The following SOX5 variants were observed in gnomAD, a reference collection of about 807,000 sequenced individuals.
The protein encoded by SOX5 is SRY-box transcription factor 5.
SOX5 carries 9 observed loss-of-function variants against 92.0 expected under a neutral mutation model. That is an observed-to-expected ratio of 0.10 (90% CI 0.06 to 0.17). The LOEUF (loss-of-function observed/expected upper bound fraction) is 0.17. Ranked by LOEUF, SOX5 falls within the 10% of genes least tolerant of loss-of-function variation. The probability of loss-of-function intolerance (pLI) is 1.00; values close to 1 mark genes in which losing one functional copy is unlikely to be tolerated. For missense variants in SOX5, 642 were observed against 944.5 expected (o/e 0.68, Z 4.20); for synonymous variants, 344 against 336.3 (o/e 1.02, Z -0.25).
intron 1 of SOX5, among the ~76,000 whole-genome samples, chr12:24,379,808 C>T (rs1272183168): frequency 6.9e-6 from 1 of 144,542 alleles, no homozygotes; most frequent in Non-Finnish European, 1.5e-5. Flanking sequence ...TCTTAAACTT[C>T]CTCAAATCGG....
At chr12:23,708,543 C>T (rs2091701744) in intron 6 of SOX5, among the ~76,000 whole-genome samples, 1 of 152,050 alleles carries the variant, frequency 6.6e-6, no homozygotes, top group Non-Finnish European at 1.5e-5. Context: ...CAACGATAAA[C>T]ATTAGGAGAG....
intron 4 of SOX5, among the ~76,000 whole-genome samples, chr12:24,176,814 C>T (rs1442395762): frequency 1.3e-5 from 2 of 152,164 alleles, no homozygotes; most frequent in Non-Finnish European, 2.9e-5. Flanking sequence ...TTGAATTCCC[C>T]ATCCCTCCTA....
chr12:24,050,590 T>G (rs979371832), intron 4 of SOX5, among the ~76,000 whole-genome samples: 2 of 152,192 alleles, frequency 1.3e-5, no homozygotes, highest in East Asian at 3.8e-4. Context: ...GTCATCCTTT[T>G]AAACAATTTT....
At chr12:24,425,553 G>T (rs1267518339) in intron 1 of SOX5, among the ~76,000 whole-genome samples, 3 of 152,130 alleles carry the variant, frequency 2.0e-5, no homozygotes, top group Non-Finnish European at 4.4e-5. Flanking sequence ...ATTTTGGGGG[G>T]TACTGACTGC....
At chr12:23,857,735 CTTTT>C (rs36116499) in intron 2 of SOX5, among the ~76,000 whole-genome samples, 2 of 140,668 alleles carry the variant, frequency 1.4e-5, no homozygotes, top group East Asian at 2.1e-4. Flanking sequence ...TTTTTTCTTT[CTTTT>C]TTTTTTTTTT....
At chr12:24,268,054 C>T (rs1205696946) in intron 3 of SOX5, among the ~76,000 whole-genome samples, 2 of 152,074 alleles carry the variant, frequency 1.3e-5, no homozygotes, top group African/African-American at 4.8e-5. Context: ...TACCTAGTTC[C>T]AAGATCAGGA....
At position 24,375,199 on chromosome 12, in the gene SOX5, A is replaced by T. The variant is rs902363599; in HGVS notation, c.-250-6560T>A. Among the ~76,000 whole-genome samples the T allele has an allele frequency of 5.3e-5, 8 of 150,780 alleles. No homozygotes were observed. In the South Asian group the frequency reaches 6.3e-4, roughly 12 times the overall value. On this transcript the variant is annotated intron_variant, in intron 1 of 4. Coordinates refer to the SOX5 transcript ENST00000446891. ...CGTGTTAGCCAGGATGGTCTCGATC[A>T]CCTGACCTCGTGATCCACCCGCCTC... is the stretch of plus-strand genomic sequence containing the variant.
At chr12:23,595,967 G>T (rs1952345110) in intron 9 of SOX5, among the ~76,000 whole-genome samples, 1 of 152,168 alleles carries the variant, frequency 6.6e-6, no homozygotes, top group Non-Finnish European at 1.5e-5. Context: ...AGACAATGCT[G>T]TCTCATTAAC....
At chr12:24,362,408 T>C (rs926882500) in intron 2 of SOX5, among the ~76,000 whole-genome samples, 6 of 152,204 alleles carry the variant, frequency 3.9e-5, no homozygotes, top group African/African-American at 1.4e-4. Context: ...GTTTTAAAAT[T>C]ACTGGTCTTG....
intron 2 of SOX5, among the ~76,000 whole-genome samples, chr12:24,345,824 A>G (rs1163747384): frequency 1.3e-5 from 2 of 152,184 alleles, no homozygotes; most frequent in Non-Finnish European, 2.9e-5. Context: ...CATTAATAGA[A>G]TTGTCGTGAA....
At chr12:24,164,367 C>T (rs574990623) in intron 4 of SOX5, among the ~76,000 whole-genome samples, 1 of 152,084 alleles carries the variant, frequency 6.6e-6, no homozygotes, top group African/African-American at 2.4e-5. Context: ...ATTAAGAAAG[C>T]TCCAACATAC....
intron 1 of SOX5, among the ~76,000 whole-genome samples, chr12:24,559,454 G>T (rs1044397389): frequency 6.6e-6 from 1 of 152,104 alleles, no homozygotes. Context: ...ATTTTGTCCT[G>T]TAAGTTTTAC....
chr12:23,961,774 G>GA (rs1177872633), intron 4 of SOX5, among the ~76,000 whole-genome samples: 4 of 152,086 alleles, frequency 2.6e-5, no homozygotes, highest in Non-Finnish European at 4.4e-5. Context: ...TTTACCAGAA[G>GA]AAAAAATCAG....
intron 4 of SOX5, among the ~76,000 whole-genome samples, chr12:24,126,045 C>T (rs1949074740): frequency 6.6e-6 from 1 of 152,182 alleles, no homozygotes; most frequent in Non-Finnish European, 1.5e-5. Context: ...TTTACAGGTT[C>T]TCTTCCAGTA....
intron 1 of SOX5, among the ~76,000 whole-genome samples, chr12:23,931,591 C>A (rs1941421059): frequency 6.6e-6 from 1 of 151,642 alleles, no homozygotes; most frequent in African/African-American, 2.4e-5. Context: ...TCTTAAAGAG[C>A]AGAATAGTAG....
intron 1 of SOX5, among the ~76,000 whole-genome samples, chr12:24,516,000 A>C (rs1391772082): frequency 6.6e-6 from 1 of 150,476 alleles, no homozygotes; most frequent in Non-Finnish European, 1.5e-5. Flanking sequence ...CAAAATAGAC[A>C]TGGAGTAGTT....
intron 3 of SOX5, among the ~76,000 whole-genome samples, chr12:24,249,846 A>C (rs1170146773): frequency 6.6e-6 from 1 of 152,224 alleles, no homozygotes; most frequent in Non-Finnish European, 1.5e-5. Context: ...CAATACTTTA[A>C]GATCACCTTT....
chr12:23,834,473 T>C (rs149077551), intron 3 of SOX5, among the ~76,000 whole-genome samples: 78 of 152,048 alleles, frequency 5.1e-4, no homozygotes, highest in African/African-American at 1.7e-3. Flanking sequence ...TAAGAACTTA[T>C]ACTAATTTAA....
chr12:24,397,972 C>T (rs887080793), intron 1 of SOX5, among the ~76,000 whole-genome samples: 31 of 152,200 alleles, frequency 2.0e-4, no homozygotes, highest in African/African-American at 6.7e-4. Flanking sequence ...GCCTCAACCT[C>T]CCAAGTAGCT....
Sources: gnomAD v4.1 joint callset for allele counts (sites outside exome capture counted in the v4.1 genomes callset) on GRCh38, gnomAD v4.1.1 for gene constraint, MANE v1.5 for transcripts, NCBI Gene and HGNC (gene_info 2026-07-23, HGNC 2026-07-21) for gene names.